Variants in ANKRD30BL observed in about 807,000 individuals in gnomAD.
ANKRD30BL encodes the protein ankyrin repeat domain 30B like, also known as putative ankyrin repeat domain-containing protein 30B-like.
A neutral mutation model predicts 18.4 loss-of-function variants in ANKRD30BL; 20 were observed. The observed-to-expected ratio is 1.09, with a 90% CI of 0.77 to 1.58. The LOEUF (loss-of-function observed/expected upper bound fraction) is 1.58, where lower values mean the gene tolerates loss of function less well. Ranked by LOEUF, ANKRD30BL falls within the 40% of genes most tolerant of loss-of-function variation. The probability of loss-of-function intolerance (pLI) is 0.00; values close to 1 mark genes in which losing one functional copy is unlikely to be tolerated. For missense variants in ANKRD30BL, 224 were observed against 268.6 expected (o/e 0.83, Z 1.16); for synonymous variants, 72 against 100.9 (o/e 0.71, Z 1.72).
chr2:132,215,251 T>G (rs920520492), intron 1 of ANKRD30BL, among the ~76,000 whole-genome samples: 24 of 152,264 alleles, frequency 1.6e-4, no homozygotes, highest in African/African-American at 5.5e-4. Flanking sequence ...CTCACAGAGT[T>G]GAACATTTCT....
At chr2:132,200,972 G>C (rs1035876182) in intron 1 of ANKRD30BL, among the ~76,000 whole-genome samples, 2 of 152,104 alleles carry the variant, frequency 1.3e-5, no homozygotes, top group Non-Finnish European at 2.9e-5. Flanking sequence ...ACAGAACAGA[G>C]TCCTCAGAAA....
At chr2:132,207,782 G>A (rs1679237908) in intron 1 of ANKRD30BL, among the ~76,000 whole-genome samples, 1 of 152,088 alleles carries the variant, frequency 6.6e-6, no homozygotes, top group South Asian at 2.1e-4. Context: ...GGAGTAGGAT[G>A]CTGAAAATGT....
At chr2:132,252,508 C>G (rs1010567516) in intron 1 of ANKRD30BL, among the ~76,000 whole-genome samples, 9 of 150,838 alleles carry the variant, frequency 6.0e-5, no homozygotes, top group African/African-American at 2.0e-4. Context: ...GCTTCCAGCC[C>G]CAGACACACC....
chr2:132,255,531 T>A (rs961198954), intron 1 of ANKRD30BL, among the ~76,000 whole-genome samples: 33 of 152,096 alleles, frequency 2.2e-4, no homozygotes, highest in Middle Eastern at 6.8e-3. Flanking sequence ...GCTTTTTAAC[T>A]GCAACAACTT....
chr2:132,212,594 G>A (rs1679385308), intron 1 of ANKRD30BL, among the ~76,000 whole-genome samples: 1 of 151,908 alleles, frequency 6.6e-6, no homozygotes, highest in Non-Finnish European at 1.5e-5. Context: ...GAATCTGCTA[G>A]TGGACAATTG....
At chr2:132,173,136 A>AT (rs61624051) in intron 1 of ANKRD30BL, among the ~76,000 whole-genome samples, 21 of 149,810 alleles carry the variant, frequency 1.4e-4, no homozygotes, top group Middle Eastern at 3.4e-3. Context: ...ATTTTCTCCT[A>AT]TTTTTTTTTC....
intron 1 of ANKRD30BL, among the ~76,000 whole-genome samples, chr2:132,225,505 C>G (rs113918575): frequency 1.3e-5 from 2 of 152,044 alleles, no homozygotes; most frequent in African/African-American, 4.8e-5. Context: ...CACATAAAAA[C>G]TAGACAGCAG....
In ANKRD30BL at chr2:132,147,895, A is replaced by G; in HGVS notation, c.*236T>C. The G allele has an allele frequency of 2.1e-6, 1 of 480,368 alleles. No homozygotes were observed. The highest frequency in any genetic ancestry group is 3.8e-6 in the Non-Finnish European group (1 of 261,108). The allele number at this position is 480,368 out of a possible 1,614,324, so 29.8% of individuals were successfully genotyped here. On this transcript the variant is annotated 3_prime_UTR_variant, in exon 6 of 6. Coordinates refer to ENST00000409867, the MANE Select transcript of ANKRD30BL (RefSeq NM_001358416.1). Reference sequence around the variant, plus strand: ...AGAGCAGGTTACTAAGAATGACTAAAGACAAAGCAGGTGTTAGAGGCTAGA... The same window carrying G: ...AGAGCAGGTTACTAAGAATGACTAAGGACAAAGCAGGTGTTAGAGGCTAGA...
intron 1 of ANKRD30BL, among the ~76,000 whole-genome samples, chr2:132,232,125 C>T (rs564163072): frequency 2.0e-5 from 3 of 152,290 alleles, no homozygotes; most frequent in East Asian, 3.9e-4. Context: ...GCTAAGGGTC[C>T]TGTCTGTTAG....
At chr2:132,184,114 C>T (rs1247214306) in intron 1 of ANKRD30BL, among the ~76,000 whole-genome samples, 3 of 151,856 alleles carry the variant, frequency 2.0e-5, no homozygotes, top group Non-Finnish European at 4.4e-5. Flanking sequence ...CACTCTGTTG[C>T]CCAAGATGAG....
At chr2:132,189,643 A>G (rs1184593168) in intron 1 of ANKRD30BL, among the ~76,000 whole-genome samples, 11 of 151,678 alleles carry the variant, frequency 7.3e-5, no homozygotes. Flanking sequence ...TGATGTATCA[A>G]CCAGAAATTT....
intron 1 of ANKRD30BL, among the ~76,000 whole-genome samples, chr2:132,218,006 C>T (rs1247654134): frequency 6.6e-6 from 1 of 151,438 alleles, no homozygotes; most frequent in Non-Finnish European, 1.5e-5. Context: ...GTGCATTCAA[C>T]TCACAGTGTT....
At chr2:132,176,174 A>C (rs1688364694) in intron 1 of ANKRD30BL, among the ~76,000 whole-genome samples, 1 of 152,118 alleles carries the variant, frequency 6.6e-6, no homozygotes, top group Non-Finnish European at 1.5e-5. Flanking sequence ...CGGGCAGATC[A>C]CTTGAGGTCA....
chr2:132,196,866 A>G (rs1461423569), intron 1 of ANKRD30BL, among the ~76,000 whole-genome samples: 1 of 152,228 alleles, frequency 6.6e-6, no homozygotes, highest in African/African-American at 2.4e-5. Context: ...AAAGAAGTGT[A>G]AATGCAATAA....
At chr2:132,224,150 A>C (rs1235129528) in intron 1 of ANKRD30BL, among the ~76,000 whole-genome samples, 1 of 152,162 alleles carries the variant, frequency 6.6e-6, no homozygotes, top group Non-Finnish European at 1.5e-5. Flanking sequence ...TAAACACTAG[A>C]TAGAAGCATT....
chr2:132,198,429 T>C (rs1679021597), intron 1 of ANKRD30BL, among the ~76,000 whole-genome samples: 1 of 149,294 alleles, frequency 6.7e-6, no homozygotes, highest in Non-Finnish European at 1.5e-5. Flanking sequence ...GTTCACACCA[T>C]TCTCCTGCCT....
intron 1 of ANKRD30BL, among the ~76,000 whole-genome samples, chr2:132,177,885 T>C (rs976052710): frequency 6.6e-6 from 1 of 152,144 alleles, no homozygotes; most frequent in Non-Finnish European, 1.5e-5. Context: ...TTTTTGTTTG[T>C]TTTTTTGTTT....
intron 1 of ANKRD30BL, among the ~76,000 whole-genome samples, chr2:132,220,423 G>A (rs1379214303): frequency 6.6e-6 from 1 of 151,216 alleles, no homozygotes; most frequent in African/African-American, 2.4e-5. Flanking sequence ...AGCCAAAGCT[G>A]GACTGTACTG....
intron 1 of ANKRD30BL, among the ~76,000 whole-genome samples, chr2:132,229,531 T>C (rs1356775845): frequency 6.6e-6 from 1 of 152,168 alleles, no homozygotes; most frequent in African/African-American, 2.4e-5. Flanking sequence ...AACATACCTC[T>C]TCATAGCACA....
Sources: gnomAD v4.1 joint callset for allele counts (sites outside exome capture counted in the v4.1 genomes callset) on GRCh38, gnomAD v4.1.1 for gene constraint, MANE v1.5 for transcripts, NCBI Gene and HGNC (gene_info 2026-07-23, HGNC 2026-07-21) for gene names.